DCC: variants seen among roughly 807,000 people sequenced by gnomAD.
DCC encodes the protein netrin receptor DCC.
In DCC, 58 loss-of-function variants were observed where a neutral mutation model predicts 172.5. That is an observed-to-expected ratio of 0.34 (90% CI 0.27 to 0.42). The LOEUF (loss-of-function observed/expected upper bound fraction) is 0.42, where lower values mean the gene tolerates loss of function less well. DCC is among the 10% of genes least tolerant of loss of function. The pLI is 1.00. For synonymous variants in DCC, 709 were observed against 644.5 expected, an observed-to-expected ratio of 1.10 and a Z score of -1.52; for missense variants, 1,740 against 1,791.0, an observed-to-expected ratio of 0.97 and a Z score of 0.51.
At position 53,193,334 on chromosome 18, in the gene DCC, G is replaced by A. The variant is rs557391218; in HGVS notation, c.1574-11882G>A. 9.2e-4 allele frequency among the ~76,000 whole-genome samples: 140 copies of A among 151,870 alleles called. 1 individual carries two copies. Among genetic ancestry groups the A allele is most frequent in the African/African-American group, 3.2e-3 (133 of 41,416 alleles). On this transcript the variant is annotated intron_variant, in intron 9 of 28. Transcript: ENST00000442544. ...GCCATATTAGACTGTGAGTTCTATGGAAGTGTTCACTCTTTCCCCTCAAAT... is the reference window on the plus strand; with the variant it reads ...GCCATATTAGACTGTGAGTTCTATGAAAGTGTTCACTCTTTCCCCTCAAAT...
In DCC at chr18:52,943,355, C is replaced by A. The variant is rs796529494; in HGVS notation, c.985+17985C>A. On this transcript the variant is annotated intron_variant, in intron 5 of 28. Coordinates refer to ENST00000442544, the MANE Select transcript of DCC (RefSeq NM_005215.4). ...TGAAATTTTCCTTTGATTTTTCATC[C>A]TATCTGCTGTAATTACTGTGCATAT... is the stretch of plus-strand genomic sequence containing the variant. 2.0e-5 allele frequency among the ~76,000 whole-genome samples: 3 copies of A among 152,184 alleles called. No individual in the cohort carries two copies. The South Asian group carries it at 6.2e-4, about 32-fold the overall frequency.
At chr18:52,705,704 A>C (rs947234025) in intron 1 of DCC, among the ~76,000 whole-genome samples, 2 of 152,202 alleles carry the variant, frequency 1.3e-5, no homozygotes, top group Non-Finnish European at 2.9e-5. Context: ...TTTTAACCAC[A>C]TCATTGAGCT....
chr18:52,664,492 T>TTG (rs2035426441), intron 1 of DCC, among the ~76,000 whole-genome samples: 1 of 146,676 alleles, frequency 6.8e-6, no homozygotes, highest in Admixed American at 6.8e-5. Context: ...TTTTTTTTTT[T>TTG]GAGACCGAGG....
chr18:52,932,395 A>C (rs908362195), intron 5 of DCC, among the ~76,000 whole-genome samples: 2 of 152,158 alleles, frequency 1.3e-5, no homozygotes, highest in Non-Finnish European at 2.9e-5. Flanking sequence ...GAATCAGTGC[A>C]GAAATGCATA....
intron 1 of DCC, among the ~76,000 whole-genome samples, chr18:52,715,450 C>A (rs775992325): frequency 3.3e-5 from 5 of 151,890 alleles, no homozygotes; most frequent in African/African-American, 4.8e-5. Flanking sequence ...CAGGCACCTG[C>A]CACCACACCC....
chr18:52,503,846 G>T (rs949363485), intron 1 of DCC, among the ~76,000 whole-genome samples: 2 of 152,096 alleles, frequency 1.3e-5, no homozygotes, highest in African/African-American at 4.8e-5. Context: ...GGGGTATTCA[G>T]CCTACTCAGG....
At chr18:52,439,186 G>GTC (rs1185266471) in intron 1 of DCC, among the ~76,000 whole-genome samples, 1 of 151,180 alleles carries the variant, frequency 6.6e-6, no homozygotes, top group Non-Finnish European at 1.5e-5. Flanking sequence ...GTGTGTGTGT[G>GTC]TGTGTGTGTG....
intron 8 of DCC, among the ~76,000 whole-genome samples, chr18:53,167,327 G>T (rs576942618): frequency 6.6e-6 from 1 of 152,284 alleles, no homozygotes; most frequent in Non-Finnish European, 1.5e-5. Flanking sequence ...TAGAAGTGCT[G>T]AATTCAGCTA....
At chr18:53,205,510 T>C in intron 10 of DCC, 146 bp downstream of exon 10, 1 of 813,438 alleles carries the variant, frequency 1.2e-6, no homozygotes, top group South Asian at 1.4e-5. Flanking sequence ...TGATTAGTTT[T>C]AAAGCACTTG....
chr18:53,085,957 C>CTCTTCTTCT (rs747047237), intron 7 of DCC, among the ~76,000 whole-genome samples: 4 of 65,900 alleles, frequency 6.1e-5, no homozygotes, highest in African/African-American at 2.8e-4. Flanking sequence ...GGAGTATTTT[C>CTCTTCTTCT]TCTTCTTCTT....
chr18:53,260,613 A>G (rs753714125), intron 12 of DCC, among the ~76,000 whole-genome samples: 51 of 151,970 alleles, frequency 3.4e-4, no homozygotes, highest in Non-Finnish European at 6.0e-4. Context: ...GTCTGCCCCT[A>G]CTGGGGGGTG....
intron 7 of DCC, among the ~76,000 whole-genome samples, chr18:53,099,231 T>TC (rs1258398038): frequency 1.3e-5 from 2 of 152,062 alleles, no homozygotes; most frequent in East Asian, 3.9e-4. Context: ...AACATTTTCT[T>TC]CCCCCTATGT....
Position 52,925,130 on chromosome 18 carries a change from A to C in DCC, c.849-104A>C, listed in dbSNP as rs2298655. 483,847 of 1,157,930 alleles carry C rather than the reference A, an allele frequency of 0.42. 106,663 individuals are homozygous for C. Among genetic ancestry groups the C allele is most frequent in the Non-Finnish European group, 0.47 (366,538 of 776,564 alleles). The allele number at this position is 1,157,930 out of a possible 1,614,324, so 71.7% of individuals were successfully genotyped here. On this transcript the variant is annotated intron_variant, in intron 4 of 28. Coordinates refer to ENST00000442544, the MANE Select transcript of DCC (RefSeq NM_005215.4). ...GCCCTTATGATACACAGTTTCTTTCAAGTGTCTTAATTTGAGCTTTGGTGG... is the reference window on the plus strand; with the variant it reads ...GCCCTTATGATACACAGTTTCTTTCCAGTGTCTTAATTTGAGCTTTGGTGG...
rs2057780258 is a variant in DCC at position 53,350,596 on chromosome 18, A to G, written c.2359+10689A>G. Among the ~76,000 whole-genome samples the G allele has an allele frequency of 2.6e-5, 4 of 152,002 alleles. No individual in the cohort carries two copies. In the South Asian group the frequency reaches 8.3e-4, roughly 32 times the overall value. ...GCCTCTCCATAATGTTTAATACTGGAAAAGTTTTTTGAGCTCTGGCTTTGT... is the reference window on the plus strand; with the variant it reads ...GCCTCTCCATAATGTTTAATACTGGGAAAGTTTTTTGAGCTCTGGCTTTGT... On this transcript the variant is annotated intron_variant, in intron 15 of 28. Coordinates refer to ENST00000442544, the MANE Select transcript of DCC (RefSeq NM_005215.4).
intron 3 of DCC, among the ~76,000 whole-genome samples, chr18:52,918,409 G>A (rs2040071877): frequency 6.6e-6 from 1 of 151,988 alleles, no homozygotes. Context: ...ATCTCCCAGG[G>A]CCTTTTAATC....
intron 5 of DCC, among the ~76,000 whole-genome samples, chr18:53,018,463 A>T (rs1351609822): frequency 6.6e-6 from 1 of 152,142 alleles, no homozygotes; most frequent in Non-Finnish European, 1.5e-5. Context: ...CATTCTCTTT[A>T]TCAGAAATAC....
At chr18:52,354,705 C>A (rs746740891) in intron 1 of DCC, among the ~76,000 whole-genome samples, 8 of 152,144 alleles carry the variant, frequency 5.3e-5, no homozygotes, top group Non-Finnish European at 1.0e-4. Context: ...TGATTATTCT[C>A]AAATTTGCAT....
At chr18:53,228,089 C>G (rs1321963732) in intron 12 of DCC, among the ~76,000 whole-genome samples, 1 of 152,016 alleles carries the variant, frequency 6.6e-6, no homozygotes, top group Non-Finnish European at 1.5e-5. Flanking sequence ...ACAGTATCAA[C>G]ATGTATTTCT....
At chr18:53,180,496 T>A (rs1261273029) in intron 9 of DCC, among the ~76,000 whole-genome samples, 2 of 152,078 alleles carry the variant, frequency 1.3e-5, no homozygotes, top group African/African-American at 4.8e-5. Context: ...GATTATGGGA[T>A]GGCTACAGCA....
Sources: gnomAD v4.1 joint callset for allele counts (sites outside exome capture counted in the v4.1 genomes callset) on GRCh38, gnomAD v4.1.1 for gene constraint, MANE v1.5 for transcripts, NCBI Gene and HGNC (gene_info 2026-07-23, HGNC 2026-07-21) for gene names.